The following ACIN1 variants were observed in gnomAD, a reference collection of about 807,000 sequenced individuals.
ACIN1 encodes the protein apoptotic chromatin condensation inducer 1, also known as apoptotic chromatin condensation inducer in the nucleus.
In ACIN1, 16 loss-of-function variants were observed where a neutral mutation model predicts 146.6. The ratio of observed to expected loss-of-function variants is 0.11; its 90% CI spans 0.07 to 0.17. The LOEUF (loss-of-function observed/expected upper bound fraction) is 0.17, where lower values mean the gene tolerates loss of function less well. Among genes scored for constraint, ACIN1 ranks in the 10% least tolerant of loss-of-function variants. The pLI is 1.00. For missense variants in ACIN1, 1,357 were observed against 1,609.3 expected, an observed-to-expected ratio of 0.84 and a Z score of 2.68; for synonymous variants, 569 against 582.7, an observed-to-expected ratio of 0.98 and a Z score of 0.34.
At chr14:23,060,375 T>G (rs1279408608) in intron 18 of ACIN1, among the ~76,000 whole-genome samples, 1 of 152,192 alleles carries the variant, frequency 6.6e-6, no homozygotes, top group African/African-American at 2.4e-5. Flanking sequence ...AACAAATCTC[T>G]TTTTTGAGTA....
chr14:23,071,819 G>C (rs2047665403), intron 8 of ACIN1, among the ~76,000 whole-genome samples: 1 of 152,188 alleles, frequency 6.6e-6, no homozygotes, highest in South Asian at 2.1e-4. Context: ...GACATGTAAA[G>C]TTACAGCTGC....
In ACIN1 at chr14:23,079,639, G is replaced by T. The variant is rs200998064; in HGVS notation, c.1696C>A (p.Arg566Ser). 6.2e-7 allele frequency: 1 copy of T among 1,614,176 alleles called. No homozygotes were observed. The highest frequency in any genetic ancestry group is 1.3e-5 in the African/African-American group (1 of 75,030). Residue 566 changes from arginine (R) to serine (S), a missense_variant, in exon 6 of 19, where the codon CGT becomes AGT. By Grantham distance (110) the Arg-to-Ser change is moderately radical (BLOSUM62 -1). Around this residue, in one of 4 missense-constraint regions of ACIN1, gnomAD observed 771 missense variants for 746.6 expected, o/e 1.03. Coordinates refer to ENST00000605057, the MANE Select transcript of ACIN1 (RefSeq NM_001386863.1). ...VAQARTHANPRGRPKMGSRST... is the reference protein window; with the variant it reads ...VAQARTHANPSGRPKMGSRST... ...CTGGAGCCCATCTTGGGTCTACCACGAGGGTTGGCATGAGTACGTGCCTGG... is the reference window on the plus strand; with the variant it reads ...CTGGAGCCCATCTTGGGTCTACCACTAGGGTTGGCATGAGTACGTGCCTGG...
chr14:23,078,162 A>T lies in ACIN1; in HGVS notation c.2112T>A (p.Ile704=), dbSNP rs116329064. The T allele has an allele frequency of 1.1e-3, 1,846 of 1,614,132 alleles. 16 individuals carry two copies. The African/African-American group carries it at 0.021, about 18-fold the overall frequency. ...GATATATCACTTACACAGTGTGATG[A>T]ATTCTTTCTGATTCTGGCAGATGAG... ...QTSHLPESER[I]HHTVEEKEEV... is the part of the protein sequence containing the mutation. The change falls in exon 8 of 19, where the codon ATT becomes ATA. Residue 704 remains isoleucine, a synonymous_variant. Coordinates refer to ENST00000605057, the MANE Select transcript of ACIN1 (RefSeq NM_001386863.1).
At chr14:23,073,518 C>A (rs368659361) in intron 8 of ACIN1, among the ~76,000 whole-genome samples, 1 of 152,028 alleles carries the variant, frequency 6.6e-6, no homozygotes. Context: ...ATTGGCTGGG[C>A]GTGGTGGTGC....
chr14:23,089,933 C>G, intron 4 of ACIN1, 49 bp downstream of exon 4: 1 of 1,506,264 alleles, frequency 6.6e-7, no homozygotes, highest in South Asian at 1.3e-5. Context: ...CTCCCCCCAC[C>G]AACTACGCAG....
chr14:23,070,236 G>A (rs866327857), intron 8 of ACIN1, among the ~76,000 whole-genome samples: 10 of 152,086 alleles, frequency 6.6e-5, no homozygotes, highest in Middle Eastern at 6.8e-3. Flanking sequence ...GGAGCTGCAG[G>A]GAAGAAGCAG....
In ACIN1 at chr14:23,059,292, T is replaced by G; in HGVS notation, c.3708A>C (p.Glu1236Asp). Residue 1236 changes from glutamate to aspartate, a missense_variant, in exon 19 of 19, where the codon GAA becomes GAC. Physicochemically the swap from Glu to Asp is conservative, Grantham distance 45 (BLOSUM62 2). Around this residue, in one of 4 missense-constraint regions of ACIN1, gnomAD observed 509 missense variants for 719.6 expected, o/e 0.71. Coordinates refer to ENST00000605057, the MANE Select transcript of ACIN1 (RefSeq NM_001386863.1). The stretch of plus-strand genomic sequence containing the variant: ...CTCGGTCCCCCCTGTCCCGCTCCCT[T>G]TCTCTCTCTCTCTCCCTGTCCCTCT... ...SRERDRERERERERDRGDRDR... is the reference protein window; with the variant it reads ...SRERDRERERDRERDRGDRDR... 6.3e-7 allele frequency: 1 copy of G among 1,578,174 alleles called. No homozygotes were observed. The highest frequency in any genetic ancestry group is 8.7e-7 in the Non-Finnish European group (1 of 1,148,438).
intron 4 of ACIN1, 82 bp downstream of exon 4, chr14:23,089,900 A>G: frequency 2.1e-6 from 3 of 1,400,858 alleles, no homozygotes; most frequent in Non-Finnish European, 1.9e-6. Context: ...ATGGAGGCTT[A>G]GCATGAAAGG....
At chr14:23,065,064 A>G (rs1319893164) in intron 10 of ACIN1, among the ~76,000 whole-genome samples, 2 of 152,214 alleles carry the variant, frequency 1.3e-5, no homozygotes, top group Non-Finnish European at 1.5e-5. Context: ...ACTGAGAAGG[A>G]CATGTAAATG....
intron 8 of ACIN1, chr14:23,071,161 C>T: frequency 1.3e-6 from 2 of 1,551,240 alleles, no homozygotes; most frequent in Non-Finnish European, 1.7e-6. Flanking sequence ...TTTTTTTCTC[C>T]CCCTGGAAGT....
Position 23,067,280 on chromosome 14 carries a change from GA to G in ACIN1, c.2266-1273del. ...GAAAATAAAGAAGAAAATAAACTAG[GA>G]ATATGACAAATGTTCCAGGTACCAT... On this transcript the variant is annotated intron_variant, in intron 9 of 18. Coordinates refer to ENST00000605057, the MANE Select transcript of ACIN1 (RefSeq NM_001386863.1). The surrounding 1 kb of genome is among the most constrained non-coding windows in gnomAD (Gnocchi z 4.6). The G allele has an allele frequency of 1.0e-6, 1 of 983,376 alleles. No individual in the cohort carries two copies. The highest frequency in any genetic ancestry group is 1.2e-6 in the Non-Finnish European group (1 of 828,118). 60.9% of individuals were successfully genotyped at this position (983,376 alleles called of 1,614,324 possible). A position where few individuals can be genotyped will look rare whatever the true frequency, so the allele number is the denominator to read the frequency against.
At chr14:23,078,102 C>T (rs763072530) in intron 8 of ACIN1, 49 bp downstream of exon 8, 3 of 1,546,266 alleles carry the variant, frequency 1.9e-6, no homozygotes, top group South Asian at 1.1e-5. Context: ...GAAGAACTAT[C>T]GCACACTCAT....
At chr14:23,073,489 T>G (rs896647975) in intron 8 of ACIN1, among the ~76,000 whole-genome samples, 1 of 152,036 alleles carries the variant, frequency 6.6e-6, no homozygotes, top group Non-Finnish European at 1.5e-5. Context: ...AGAAACCCTG[T>G]CTCTACTAAA....
intron 4 of ACIN1, among the ~76,000 whole-genome samples, chr14:23,082,884 C>A (rs1317399032): frequency 6.6e-6 from 1 of 151,386 alleles, no homozygotes; most frequent in South Asian, 2.1e-4. Context: ...GGACTGCAGG[C>A]GCACGCCACC....
intron 4 of ACIN1, among the ~76,000 whole-genome samples, chr14:23,087,198 A>G (rs1437883416): frequency 2.0e-5 from 3 of 152,222 alleles, no homozygotes; most frequent in Non-Finnish European, 4.4e-5. Flanking sequence ...TACCTGGAAG[A>G]ATCTGATTTC....
chr14:23,089,242 T>A (rs1217869911), intron 4 of ACIN1, among the ~76,000 whole-genome samples: 1 of 152,116 alleles, frequency 6.6e-6, no homozygotes, highest in Non-Finnish European at 1.5e-5. Flanking sequence ...GGTTTTGCCA[T>A]GGCTTTTTCA....
At chr14:23,063,389 A>G in intron 13 of ACIN1, 47 bp downstream of exon 13, 2 of 1,591,618 alleles carry the variant, frequency 1.3e-6, no homozygotes, top group Non-Finnish European at 1.7e-6. Flanking sequence ...AGGTGCTCTG[A>G]GAATTCAGGG....
intron 4 of ACIN1, among the ~76,000 whole-genome samples, chr14:23,089,186 G>A (rs1218879477): frequency 6.6e-6 from 1 of 152,084 alleles, no homozygotes; most frequent in Non-Finnish European, 1.5e-5. Context: ...GATTACAGGT[G>A]CCTGCCACCA....
intron 5 of ACIN1, among the ~76,000 whole-genome samples, chr14:23,081,057 C>CTT (rs57582315): frequency 3.5e-5 from 5 of 144,058 alleles, no homozygotes; most frequent in African/African-American, 7.6e-5. Context: ...CAAGCACCCC[C>CTT]TTTTTTTTTT....
Sources: allele counts gnomAD v4.1 joint callset (sites outside exome capture counted in the v4.1 genomes callset), GRCh38; gene constraint gnomAD v4.1.1; regional missense constraint gnomAD v4.1.1; non-coding constraint Gnocchi (gnomAD v3.1); transcripts MANE v1.5; gene names NCBI Gene and HGNC (gene_info 2026-07-23, HGNC 2026-07-21).